The following GALNT18 variants were observed in gnomAD, a reference collection of about 807,000 sequenced individuals.
The protein encoded by GALNT18 is GalNAc-transferase 18.
In GALNT18, 44 loss-of-function variants were observed where a neutral mutation model predicts 69.5. The observed-to-expected ratio is 0.63, with a 90% CI of 0.50 to 0.81. GALNT18 has a LOEUF of 0.81. Among genes scored for constraint, GALNT18 ranks in the 40% least tolerant of loss-of-function variants. The pLI, the probability that GALNT18 is intolerant of heterozygous loss-of-function variation, is 0.00. For synonymous variants in GALNT18, 364 were observed against 318.2 expected, an observed-to-expected ratio of 1.14 and a Z score of -1.53; for missense variants, 715 against 810.0, an observed-to-expected ratio of 0.88 and a Z score of 1.42.
intron 1 of GALNT18, among the ~76,000 whole-genome samples, chr11:11,477,914 C>T (rs747551134): frequency 2.0e-5 from 3 of 152,182 alleles, no homozygotes; most frequent in Non-Finnish European, 2.9e-5. Context: ...TCACCCATGG[C>T]TAATTTTGCC....
In GALNT18 at chr11:11,359,788, A is replaced by G. The variant is rs1279266039; in HGVS notation, c.1092+12727T>C. On this transcript the variant is annotated intron_variant, in intron 6 of 10. Coordinates refer to ENST00000227756, the MANE Select transcript of GALNT18 (RefSeq NM_198516.3). ...CAGTGATTTTAAACCCCGAAGGTAG[A>G]GATGGAAAAACAACACAACCTAGTG... Among the ~76,000 whole-genome samples, 12 of 152,358 alleles carry G rather than the reference A, an allele frequency of 7.9e-5. No individual in the cohort carries two copies. In the East Asian group the frequency reaches 1.7e-3, roughly 22 times the overall value.
rs746266454 is a variant in GALNT18 at position 11,538,857 on chromosome 11, C to T, written c.235+82502G>A. On this transcript the variant is annotated intron_variant, in intron 1 of 10. Coordinates refer to ENST00000227756, the MANE Select transcript of GALNT18 (RefSeq NM_198516.3). This position sits in a 1 kb window ranked among gnomAD's most constrained non-coding sequence, Gnocchi z 5.2. Reference sequence around the variant, plus strand: ...ATGGCTGTGGTTCCCATCTGCACAGCACTGCCTGGCCTCCCACCCAAACCT... The same window carrying T: ...ATGGCTGTGGTTCCCATCTGCACAGTACTGCCTGGCCTCCCACCCAAACCT... Among the ~76,000 whole-genome samples, 24 of 152,292 alleles carry T rather than the reference C, an allele frequency of 1.6e-4. No individual in the cohort carries two copies. The highest frequency in any genetic ancestry group is 2.9e-4 in the Non-Finnish European group (20 of 68,026).
rs532502643 is a variant in GALNT18, at chr11:11,444,980, A to G, written c.428+3764T>C. Among the ~76,000 whole-genome samples, 15 of 152,318 alleles carry G rather than the reference A, an allele frequency of 9.8e-5. No individual in the cohort carries two copies. The highest frequency in any genetic ancestry group is 5.9e-4 in the Admixed American group (9 of 15,304). ...ACATCCTCTCAGTCCAAATCCCAACATTAGCCAGAGCCCAGGCATCATTCT... is the reference window on the plus strand; with the variant it reads ...ACATCCTCTCAGTCCAAATCCCAACGTTAGCCAGAGCCCAGGCATCATTCT... On this transcript the variant is annotated intron_variant, in intron 2 of 10. Transcript: ENST00000227756. This position sits in a 1 kb window ranked among gnomAD's most constrained non-coding sequence, Gnocchi z 4.4.
intron 1 of GALNT18, among the ~76,000 whole-genome samples, chr11:11,544,917 G>A (rs1858012351): frequency 6.6e-6 from 1 of 152,188 alleles, no homozygotes; most frequent in Non-Finnish European, 1.5e-5. Context: ...CTTGTAAGGG[G>A]CACAGTTGGG....
chr11:11,596,046 T>C lies in GALNT18; in HGVS notation c.235+25313A>G, dbSNP rs1160037638. 6.6e-6 allele frequency among the ~76,000 whole-genome samples: 1 copy of C among 152,208 alleles called. No individual in the cohort carries two copies. Among genetic ancestry groups the C allele is most frequent in the African/African-American group, 2.4e-5 (1 of 41,458 alleles). On this transcript the variant is annotated intron_variant, in intron 1 of 10. Transcript: ENST00000227756. This position sits in a 1 kb window ranked among gnomAD's most constrained non-coding sequence, Gnocchi z 4.2. ...CTTATATTTAGTTCTATGATCCATT[T>C]TGAGTTAGTTTTTGTGGATAGAGTG...
rs1464340588 is a variant in GALNT18, at chr11:11,601,690, C to T, written c.235+19669G>A. ...GGCTTTCTTTGACCATAGGAAATGT[C>T]TCTTTCTTTGATTATGTCTGTTAAA... On this transcript the variant is annotated intron_variant, in intron 1 of 10. Transcript: ENST00000227756. This position sits in a 1 kb window ranked among gnomAD's most constrained non-coding sequence, Gnocchi z 4.0. 6.6e-6 allele frequency among the ~76,000 whole-genome samples: 1 copy of T among 152,186 alleles called. No individual in the cohort carries two copies. Among genetic ancestry groups the T allele is most frequent in the East Asian group, 1.9e-4 (1 of 5,194 alleles).
At chr11:11,544,269 C>A (rs1176842218) in intron 1 of GALNT18, among the ~76,000 whole-genome samples, 2 of 152,138 alleles carry the variant, frequency 1.3e-5, no homozygotes, top group African/African-American at 4.8e-5. Flanking sequence ...GCAAATGTGC[C>A]CTGGAAGCCA....
rs1860169125 is a variant in GALNT18, at chr11:11,620,629, T to C, written c.235+730A>G. ...CGGGGAAGGCGCAGCCCAGGGCGTGTTCTTCCAGTCTTGGGCGGAGTCATC... is the reference window on the plus strand; with the variant it reads ...CGGGGAAGGCGCAGCCCAGGGCGTGCTCTTCCAGTCTTGGGCGGAGTCATC... On this transcript the variant is annotated intron_variant, in intron 1 of 10. Transcript: ENST00000227756. The surrounding 1 kb of genome is among the most constrained non-coding windows in gnomAD (Gnocchi z 6.9). Among the ~76,000 whole-genome samples the C allele has an allele frequency of 6.6e-6, 1 of 152,140 alleles. No individual in the cohort carries two copies. The highest frequency in any genetic ancestry group is 2.4e-5 in the African/African-American group (1 of 41,434).
chr11:11,607,428 G>T (rs1859782937), intron 1 of GALNT18, among the ~76,000 whole-genome samples: 1 of 152,122 alleles, frequency 6.6e-6, no homozygotes, highest in Admixed American at 6.6e-5. Context: ...TCAGTTTTCT[G>T]CTATCATTAG....
At chr11:11,483,413 C>G (rs914879158) in intron 1 of GALNT18, among the ~76,000 whole-genome samples, 1 of 152,198 alleles carries the variant, frequency 6.6e-6, no homozygotes, top group African/African-American at 2.4e-5. Context: ...GGGAACTATG[C>G]GGTCAGCTCT....
At chr11:11,348,669 T>C (rs1170593738) in intron 6 of GALNT18, among the ~76,000 whole-genome samples, 1 of 152,212 alleles carries the variant, frequency 6.6e-6, no homozygotes, top group African/African-American at 2.4e-5. Context: ...TGTCCAGTTA[T>C]GCCATGGACA....
At position 11,347,496 on chromosome 11, in the gene GALNT18, A is replaced by G. The variant is rs1480282412; in HGVS notation, c.1093-6492T>C. ...AGTCTCAGTGGAGAAGTATGCCACA[A>G]TTTATTCATTACGGTTACCATGGGT... On this transcript the variant is annotated intron_variant, in intron 6 of 10. Transcript: ENST00000227756. The surrounding 1 kb of genome is among the most constrained non-coding windows in gnomAD (Gnocchi z 4.0). Among the ~76,000 whole-genome samples the G allele has an allele frequency of 6.6e-6, 1 of 152,190 alleles. No homozygotes were observed. The highest frequency in any genetic ancestry group is 1.5e-5 in the Non-Finnish European group (1 of 68,036).
intron 3 of GALNT18, among the ~76,000 whole-genome samples, chr11:11,411,501 G>C (rs1314044491): frequency 6.6e-6 from 1 of 152,208 alleles, no homozygotes; most frequent in African/African-American, 2.4e-5. Flanking sequence ...TCCTGATTGA[G>C]ATGCTGATAC....
intron 3 of GALNT18, among the ~76,000 whole-genome samples, chr11:11,427,779 A>AT (rs1033953371): frequency 2.6e-5 from 4 of 152,098 alleles, no homozygotes; most frequent in African/African-American, 4.8e-5. Context: ...TCCTGCTGTT[A>AT]TTTTTATCAC....
At chr11:11,401,974 C>T (rs571920667) in intron 3 of GALNT18, among the ~76,000 whole-genome samples, 2 of 152,206 alleles carry the variant, frequency 1.3e-5, no homozygotes, top group South Asian at 2.1e-4. Context: ...TTTGGCTGGG[C>T]CTTAAGGAAT....
chr11:11,405,116 C>T (rs1854561239), intron 3 of GALNT18, among the ~76,000 whole-genome samples: 2 of 152,196 alleles, frequency 1.3e-5, no homozygotes, highest in South Asian at 4.1e-4. Flanking sequence ...CCGGCCGTGG[C>T]AACCTGAGTC....
chr11:11,486,420 C>T (rs60005462), intron 1 of GALNT18, among the ~76,000 whole-genome samples: 2,225 of 152,282 alleles, frequency 0.015, 30 homozygotes, highest in African/African-American at 0.031. Flanking sequence ...ACTTGCACCC[C>T]TGTCAAGAAG....
rs58897632 is a variant in GALNT18, at chr11:11,479,210, T to C, written c.236-30274A>G. Among the ~76,000 whole-genome samples the C allele has an allele frequency of 5.8e-3, 883 of 152,076 alleles. 35 individuals are homozygous for C. In the East Asian group the frequency reaches 0.083, roughly 14 times the overall value. ...TGCTTACTGATTAATGTTTTCCTAA[T>C]TGGACACCGATTCAACTAGGAAAAA... is the stretch of plus-strand genomic sequence containing the variant. On this transcript the variant is annotated intron_variant, in intron 1 of 10. Coordinates refer to ENST00000227756, the MANE Select transcript of GALNT18 (RefSeq NM_198516.3).
intron 1 of GALNT18, among the ~76,000 whole-genome samples, chr11:11,558,147 C>T (rs1273560636): frequency 2.0e-5 from 3 of 152,172 alleles, no homozygotes; most frequent in Non-Finnish European, 2.9e-5. Flanking sequence ...ACCATCGCCC[C>T]TGGATTCTCA....
Sources: gnomAD v4.1 joint callset for allele counts (sites outside exome capture counted in the v4.1 genomes callset) on GRCh38, gnomAD v4.1.1 for gene constraint, Gnocchi (gnomAD v3.1) non-coding constraint, MANE v1.5 for transcripts, NCBI Gene and HGNC (gene_info 2026-07-23, HGNC 2026-07-21) for gene names.